SLC14A2: variants seen among roughly 807,000 people sequenced by gnomAD.
SLC14A2 encodes the protein urea transporter 2.
Under a neutral mutation model 104.6 loss-of-function variants are expected in SLC14A2, and 91 were observed. The observed-to-expected ratio is 0.87, with a 90% confidence interval of 0.73 to 1.04. The LOEUF is 1.04. Ranked by LOEUF, SLC14A2 falls within the 50% of genes least tolerant of loss-of-function variation. SLC14A2 has a pLI of 0.00. For synonymous variants in SLC14A2, 476 were observed against 466.4 expected (o/e 1.02, Z -0.27); for missense variants, 1,189 against 1,156.0 (o/e 1.03, Z -0.41).
At chr18:45,643,932 G>A (rs1423393195) in intron 9 of SLC14A2, 54 bp from the exon 10 acceptor site, 25 of 1,540,540 alleles carry the variant, frequency 1.6e-5, no homozygotes, top group Non-Finnish European at 2.0e-5. Flanking sequence ...AGAGTCCCCA[G>A]CCCAACACAG....
rs969747567 is a variant in SLC14A2 at position 45,483,465 on chromosome 18, T to A, written c.-35+143T>A. On this transcript the variant is annotated intron_variant, in intron 2 of 20. Coordinates refer to the SLC14A2 transcript ENST00000586448. Reference sequence around the variant, plus strand: ...GGGAGCTGTGATGAGAGGTGAGTCCTGTGAAGATCTCCTCCTTGAGTCTTC... The same window carrying A: ...GGGAGCTGTGATGAGAGGTGAGTCCAGTGAAGATCTCCTCCTTGAGTCTTC... 2.0e-5 allele frequency: 3 copies of A among 152,224 alleles called. No homozygotes were observed. In the South Asian group the frequency reaches 6.2e-4, roughly 32 times the overall value. The allele number at this position is 152,224 out of a possible 1,614,324, so 9.4% of individuals were successfully genotyped here.
At chr18:45,445,168 G>A (rs976700910) in intron 1 of SLC14A2, among the ~76,000 whole-genome samples, 1 of 143,722 alleles carries the variant, frequency 7.0e-6, no homozygotes, top group African/African-American at 2.6e-5. Context: ...CTGAAGTGCA[G>A]TGGCACAACG....
intron 1 of SLC14A2, among the ~76,000 whole-genome samples, chr18:45,399,910 C>A (rs779149137): frequency 6.6e-6 from 1 of 152,132 alleles, no homozygotes; most frequent in Non-Finnish European, 1.5e-5. Flanking sequence ...CCTCATCACA[C>A]TTGGCTGTGG....
At chr18:45,639,986 C>T (rs1422061761) in intron 7 of SLC14A2, 93 bp downstream of exon 7, 3 of 1,225,564 alleles carry the variant, frequency 2.4e-6, no homozygotes, top group African/African-American at 3.0e-5. Flanking sequence ...ACATTCTCTT[C>T]CCTGCAGTTT....
At chr18:45,357,224 G>T (rs560406461) in intron 1 of SLC14A2, among the ~76,000 whole-genome samples, 2 of 149,074 alleles carry the variant, frequency 1.3e-5, no homozygotes, top group South Asian at 4.3e-4. Flanking sequence ...TGAGGCAGTG[G>T]CCTTGGGACA....
At chr18:45,535,122 G>A (rs2144842010) in intron 2 of SLC14A2, among the ~76,000 whole-genome samples, 1 of 152,302 alleles carries the variant, frequency 6.6e-6, no homozygotes, top group East Asian at 1.9e-4. Context: ...CTGATGTTTG[G>A]AGATCTTTCC....
chr18:45,396,824 C>T (rs945659835), intron 1 of SLC14A2, among the ~76,000 whole-genome samples: 1 of 151,924 alleles, frequency 6.6e-6, no homozygotes, highest in Non-Finnish European at 1.5e-5. Context: ...TTCCTCCCAC[C>T]CTCCACCCTC....
At position 45,554,360 on chromosome 18, in the gene SLC14A2, C is replaced by T. The variant is rs192506989; in HGVS notation, c.-34-70271C>T. ...CCTGTTTCTCTGCCACTCTGTTGAC[C>T]TTTCAGGCAAGACCTAATGCCAATT... On this transcript the variant is annotated intron_variant, in intron 2 of 20. Coordinates refer to the SLC14A2 transcript ENST00000586448. Among the ~76,000 whole-genome samples, 9 of 152,314 alleles carry T rather than the reference C, an allele frequency of 5.9e-5. No homozygotes were observed. The East Asian group carries it at 1.7e-3, about 29-fold the overall frequency.
At chr18:45,252,388 G>A (rs950276267) in intron 1 of SLC14A2, among the ~76,000 whole-genome samples, 4 of 152,190 alleles carry the variant, frequency 2.6e-5, no homozygotes, top group African/African-American at 4.8e-5. Context: ...CAATTTTTAA[G>A]AGGGGTGTCC....
intron 9 of SLC14A2, 91 bp from the exon 10 acceptor site, chr18:45,643,895 T>A (rs1273034099): frequency 5.3e-6 from 6 of 1,130,520 alleles, no homozygotes; most frequent in Non-Finnish European, 7.8e-6. Flanking sequence ...ATCTCCATCC[T>A]CAACGCCTGT....
intron 1 of SLC14A2, among the ~76,000 whole-genome samples, chr18:45,420,072 G>T (rs1279102305): frequency 2.0e-5 from 3 of 152,174 alleles, no homozygotes; most frequent in African/African-American, 4.8e-5. Flanking sequence ...TCTGGCTTGG[G>T]ATCTCTCATG....
chr18:45,396,019 T>C (rs1021273735), intron 1 of SLC14A2, among the ~76,000 whole-genome samples: 1 of 152,188 alleles, frequency 6.6e-6, no homozygotes, highest in African/African-American at 2.4e-5. Flanking sequence ...AGGGAATATA[T>C]GGTGTTTGGC....
rs2084349332 is a variant in SLC14A2, at chr18:45,244,472, C to CA, written c.-125+31286dup. ...TGAAACCCCATCTCTGCTAAAAATGCAAAAATTAGCCGGGCGTGGTGGCAC... is the reference window on the plus strand; with the variant it reads ...TGAAACCCCATCTCTGCTAAAAATGCAAAAAATTAGCCGGGCGTGGTGGCAC... On this transcript the variant is annotated intron_variant, in intron 1 of 20. Transcript: ENST00000586448. Among the ~76,000 whole-genome samples the CA allele has an allele frequency of 2.6e-5, 4 of 152,146 alleles. No individual in the cohort carries two copies. In the South Asian group the frequency reaches 8.3e-4, roughly 32 times the overall value.
chr18:45,367,918 T>C (rs909907250), intron 1 of SLC14A2, among the ~76,000 whole-genome samples: 2 of 152,158 alleles, frequency 1.3e-5, no homozygotes, highest in Admixed American at 1.3e-4. Flanking sequence ...CACTGAAGGC[T>C]TAATGTTCTT....
chr18:45,653,850 C>A (rs1189248071), intron 10 of SLC14A2, among the ~76,000 whole-genome samples: 1 of 152,190 alleles, frequency 6.6e-6, no homozygotes, highest in African/African-American at 2.4e-5. Flanking sequence ...CCAGCCTGTG[C>A]CCTGCCCCTA....
the SLC14A2 span, among the ~76,000 whole-genome samples, chr18:45,195,172 T>A: frequency 6.6e-6 from 1 of 152,170 alleles, no homozygotes; most frequent in South Asian, 2.1e-4. Context: ...AGTATCTGTG[T>A]CCTCTCAGAA....
chr18:45,431,902 C>T (rs1413963649), intron 1 of SLC14A2, among the ~76,000 whole-genome samples: 2 of 152,174 alleles, frequency 1.3e-5, no homozygotes, highest in Non-Finnish European at 2.9e-5. Flanking sequence ...CTGATTAGAA[C>T]CCTTGGCCTT....
At position 45,287,788 on chromosome 18, in the gene SLC14A2, C is replaced by T. The variant is rs981896738; in HGVS notation, c.-125+74597C>T. ...GGGCAGCATTCTCTGCTTTGACGTT[C>T]TTTCAGATACCACCGAGTCCTCTCC... On this transcript the variant is annotated intron_variant, in intron 1 of 20. Coordinates refer to the SLC14A2 transcript ENST00000586448. Among the ~76,000 whole-genome samples, 5 of 152,170 alleles carry T rather than the reference C, an allele frequency of 3.3e-5. No homozygotes were observed. The East Asian group carries it at 9.6e-4, about 29-fold the overall frequency.
intron 1 of SLC14A2, among the ~76,000 whole-genome samples, chr18:45,472,748 T>A (rs1166687109): frequency 3.9e-5 from 6 of 152,208 alleles, no homozygotes; most frequent in African/African-American, 1.4e-4. Flanking sequence ...CTTAATTTGT[T>A]TAAGTTTCTT....
Sources: gnomAD v4.1 joint callset for allele counts (sites outside exome capture counted in the v4.1 genomes callset) on GRCh38, gnomAD v4.1.1 for gene constraint, MANE v1.5 for transcripts, NCBI Gene and HGNC (gene_info 2026-07-23, HGNC 2026-07-21) for gene names.